PTPRZ1: variants seen among roughly 807,000 people sequenced by gnomAD.
PTPRZ1 encodes protein tyrosine phosphatase receptor type Z1.
In PTPRZ1, 82 loss-of-function variants were observed where a neutral mutation model predicts 214.1. The observed-to-expected ratio is 0.38, with a 90% confidence interval of 0.32 to 0.46. The LOEUF (loss-of-function observed/expected upper bound fraction) is 0.46, where lower values mean the gene tolerates loss of function less well. PTPRZ1 is among the 20% of genes least tolerant of loss of function. The probability of loss-of-function intolerance (pLI) is 1.00; values close to 1 mark genes in which losing one functional copy is unlikely to be tolerated. For missense variants in PTPRZ1, 2,603 were observed against 2,748.7 expected (o/e 0.95, Z 1.19); for synonymous variants, 945 against 987.9 (o/e 0.96, Z 0.81).
At chr7:121,991,296 T>C (rs1239105469) in intron 8 of PTPRZ1, among the ~76,000 whole-genome samples, 1 of 152,150 alleles carries the variant, frequency 6.6e-6, no homozygotes, top group Non-Finnish European at 1.5e-5. Context: ...TCACAGTGAG[T>C]ATGGTATACT....
intron 6 of PTPRZ1, 65 bp downstream of exon 6, chr7:121,976,916 T>C (rs368116120): frequency 5.7e-6 from 8 of 1,402,072 alleles, no homozygotes; most frequent in Non-Finnish European, 7.9e-6. Flanking sequence ...ATGTTGACAA[T>C]ACGACAAAAG....
chr7:121,999,263 AGCAT>A (rs758662350), intron 10 of PTPRZ1, among the ~76,000 whole-genome samples: 4 of 152,134 alleles, frequency 2.6e-5, no homozygotes, highest in Non-Finnish European at 5.9e-5. Context: ...GCCTTTATTT[AGCAT>A]TGTTTTTCAA....
In PTPRZ1 at chr7:121,903,966, T is replaced by TCACACACAGACACACA. The variant is rs755394033; in HGVS notation, c.59-24182_59-24181insGACACACACACACACA. Reference sequence around the variant, plus strand: ...AGGATTCTGTTCCAGTCTTTAAATCTCACACACACACACACACACACACAC... The same window carrying TCACACACAGACACACA: ...AGGATTCTGTTCCAGTCTTTAAATCTCACACACAGACACACACACACACACACACACACACACACAC... On this transcript the variant is annotated intron_variant, in intron 1 of 29. Transcript: ENST00000393386. 6.2e-3 allele frequency among the ~76,000 whole-genome samples: 768 copies of TCACACACAGACACACA among 123,914 alleles called. 6 individuals are homozygous for TCACACACAGACACACA. The highest frequency in any genetic ancestry group is 0.037 in the South Asian group (125 of 3,422). The allele number at this position is 123,914 out of a possible 152,430, so 81.3% of individuals were successfully genotyped here.
chr7:122,055,492 A>C (rs767712702), intron 27 of PTPRZ1, among the ~76,000 whole-genome samples: 2 of 151,642 alleles, frequency 1.3e-5, no homozygotes, highest in Non-Finnish European at 2.9e-5. Flanking sequence ...GAAAAATACT[A>C]CCTACCGAAA....
intron 2 of PTPRZ1, among the ~76,000 whole-genome samples, chr7:121,962,759 T>G (rs1222961139): frequency 6.6e-6 from 1 of 150,748 alleles, no homozygotes; most frequent in African/African-American, 2.4e-5. Flanking sequence ...AGAGATGGGG[T>G]TTCACCATAT....
chr7:121,963,911 C>T (rs955519433), intron 2 of PTPRZ1, among the ~76,000 whole-genome samples: 1 of 151,020 alleles, frequency 6.6e-6, no homozygotes, highest in Non-Finnish European at 1.5e-5. Flanking sequence ...AATCTAGTTA[C>T]CTGGTGTCAT....
rs553724896 is a variant in PTPRZ1 at position 122,057,947 on chromosome 7, AGT to A, written c.6529-832_6529-831del. Among the ~76,000 whole-genome samples, 422 of 146,602 alleles carry A rather than the reference AGT, an allele frequency of 2.9e-3. 4 individuals are homozygous for A. The highest frequency in any genetic ancestry group is 8.9e-3 in the African/African-American group (354 of 39,574). ...GCAATATCAGTTCAGTCATTCATAT[AGT>A]GTGTGTGTGTGTGTGTGTGTATATA... On this transcript the variant is annotated intron_variant, in intron 27 of 29. Transcript: ENST00000393386.
intron 29 of PTPRZ1, 31 bp from the exon 30 acceptor site, chr7:122,061,049 C>T (rs1584789048): frequency 6.4e-7 from 1 of 1,559,826 alleles, no homozygotes; most frequent in East Asian, 2.3e-5. Context: ...CTGAGCTTCG[C>T]ATTTATTACC....
At chr7:122,014,940 T>G (rs1798802684) in intron 12 of PTPRZ1, among the ~76,000 whole-genome samples, 1 of 152,226 alleles carries the variant, frequency 6.6e-6, no homozygotes, top group African/African-American at 2.4e-5. Context: ...GGCATTAATA[T>G]GTACAGTATG....
At chr7:121,943,347 T>C (rs2116428571) in intron 2 of PTPRZ1, among the ~76,000 whole-genome samples, 1 of 152,300 alleles carries the variant, frequency 6.6e-6, no homozygotes, top group Middle Eastern at 3.4e-3. Flanking sequence ...TATGTATTTA[T>C]TTATTTTTTT....
chr7:122,012,007 T>C lies in PTPRZ1; in HGVS notation c.2961T>C (p.Thr987=). ...CAACTGCATCATTACTGCAGCCTAC[T>C]CATGCCCTCTCTGGTGATGGGGAAT... The part of the protein sequence containing the change: ...ITPTASLLQP[T]HALSGDGEWS... Residue 987 remains threonine (T), a synonymous_variant, in exon 12 of 30, where the codon ACT becomes ACC. Coordinates refer to ENST00000393386, the MANE Select transcript of PTPRZ1 (RefSeq NM_002851.3). 6.2e-7 allele frequency: 1 copy of C among 1,614,208 alleles called. No homozygotes were observed. Among genetic ancestry groups the C allele is most frequent in the Non-Finnish European group, 8.5e-7 (1 of 1,180,014 alleles).
chr7:122,026,499 T>G (rs926410599), intron 13 of PTPRZ1, among the ~76,000 whole-genome samples: 1 of 152,230 alleles, frequency 6.6e-6, no homozygotes, highest in Non-Finnish European at 1.5e-5. Flanking sequence ...CTGTATAGTT[T>G]CTGCCACAAT....
At chr7:121,972,754 C>A (rs1797296910) in intron 4 of PTPRZ1, 62 bp downstream of exon 4, 1 of 1,241,218 alleles carries the variant, frequency 8.1e-7, no homozygotes, top group Non-Finnish European at 1.1e-6. Context: ...TTTTATTTAG[C>A]ATATAATTTG....
At chr7:121,952,858 C>A (rs1408990773) in intron 2 of PTPRZ1, among the ~76,000 whole-genome samples, 1 of 151,998 alleles carries the variant, frequency 6.6e-6, no homozygotes, top group African/African-American at 2.4e-5. Context: ...TATAAATTGC[C>A]ATGTACCAGA....
At position 122,013,986 on chromosome 7, in the gene PTPRZ1, G is replaced by C. The variant is rs1798769826; in HGVS notation, c.4843+97G>C. On this transcript the variant is annotated intron_variant, in intron 12 of 29. Coordinates refer to ENST00000393386, the MANE Select transcript of PTPRZ1 (RefSeq NM_002851.3). ...AGAAAGATAGAAATTTGGTAAAATG[G>C]TACATCATCATTTTTAAAATCAAAA... 2.9e-5 allele frequency: 30 copies of C among 1,022,444 alleles called. 2 individuals are homozygous for C. The South Asian group carries it at 6.5e-4, about 22-fold the overall frequency. 63.3% of individuals were successfully genotyped at this position (1,022,444 alleles called of 1,614,324 possible). A position where few individuals can be genotyped will look rare whatever the true frequency, so the allele number is the denominator to read the frequency against.
intron 2 of PTPRZ1, among the ~76,000 whole-genome samples, chr7:121,960,769 C>T (rs926122491): frequency 3.3e-5 from 5 of 152,012 alleles, no homozygotes; most frequent in African/African-American, 1.2e-4. Flanking sequence ...ACACATTTCC[C>T]CTGTTAGACT....
At position 122,040,820 on chromosome 7, in the gene PTPRZ1, C is replaced by T; in HGVS notation, c.5642C>T (p.Ser1881Phe). 6.4e-7 allele frequency: 1 copy of T among 1,553,298 alleles called. No homozygotes were observed. The highest frequency in any genetic ancestry group is 8.7e-7 in the Non-Finnish European group (1 of 1,144,468). The change falls in exon 21 of 30, where the codon TCC (serine) becomes TTC (phenylalanine). Residue 1881 changes from serine (S) to phenylalanine (F), a missense_variant. Transcript: ENST00000393386. ...TLRNTKIKKG[S>F]QKGRPSGRVV... is the part of the protein sequence containing the mutation. Reference sequence around the variant, plus strand: ...TAACTGTCTGAACTTTTCCAGGGCTCCCAGAAAGGAAGACCCAGTGGACGT... The same window carrying T: ...TAACTGTCTGAACTTTTCCAGGGCTTCCAGAAAGGAAGACCCAGTGGACGT...
At chr7:122,002,985 G>A (rs1584731152) in intron 10 of PTPRZ1, among the ~76,000 whole-genome samples, 1 of 152,260 alleles carries the variant, frequency 6.6e-6, no homozygotes, top group South Asian at 2.1e-4. Flanking sequence ...AACTTCTTTA[G>A]TCATAGCTTT....
chr7:121,921,048 A>G (rs1795583241), intron 1 of PTPRZ1, among the ~76,000 whole-genome samples: 1 of 152,094 alleles, frequency 6.6e-6, no homozygotes, highest in South Asian at 2.1e-4. Flanking sequence ...ATTACAAGTG[A>G]TTTTTAAAGT....
Sources: allele counts gnomAD v4.1 joint callset (sites outside exome capture counted in the v4.1 genomes callset), GRCh38; gene constraint gnomAD v4.1.1; transcripts MANE v1.5; gene names NCBI Gene and HGNC (gene_info 2026-07-23, HGNC 2026-07-21).